ICA1: variants seen among roughly 807,000 people sequenced by gnomAD.
The protein encoded by ICA1 is islet cell autoantigen 1, also known as 69 kDa islet cell autoantigen.
In ICA1, 40 loss-of-function variants were observed where a neutral mutation model predicts 71.0. The observed-to-expected ratio is 0.56, with a 90% CI of 0.44 to 0.73. The LOEUF (loss-of-function observed/expected upper bound fraction) is 0.73, where lower values mean the gene tolerates loss of function less well. ICA1 is among the 30% of genes least tolerant of loss of function. ICA1 has a pLI of 0.00. For missense variants in ICA1, 578 were observed against 576.5 expected, an observed-to-expected ratio of 1.00 and a Z score of -0.03; for synonymous variants, 207 against 209.5, an observed-to-expected ratio of 0.99 and a Z score of 0.10.
At chr7:8,254,144 A>G (rs2128540668) in intron 1 of ICA1, among the ~76,000 whole-genome samples, 1 of 152,302 alleles carries the variant, frequency 6.6e-6, no homozygotes, top group East Asian at 1.9e-4. Flanking sequence ...AAATTTGGGG[A>G]AATTTCCCAA....
chr7:8,139,767 G>A (rs1794598133), intron 10 of ICA1, among the ~76,000 whole-genome samples: 1 of 152,156 alleles, frequency 6.6e-6, no homozygotes. Flanking sequence ...TATATGCTGG[G>A]GAAAGGAATC....
chr7:8,242,381 C>T (rs1284474146), intron 1 of ICA1, among the ~76,000 whole-genome samples: 1 of 152,158 alleles, frequency 6.6e-6, no homozygotes, highest in African/African-American at 2.4e-5. Flanking sequence ...AACAAAGACA[C>T]AATGTACCAG....
intron 1 of ICA1, among the ~76,000 whole-genome samples, chr7:8,249,175 G>A (rs1010371208): frequency 4.6e-5 from 7 of 152,264 alleles, no homozygotes; most frequent in Non-Finnish European, 7.3e-5. Context: ...AACTGCCAGG[G>A]TTTGAGGGGC....
chr7:8,120,233 G>A (rs142474254), intron 13 of ICA1, among the ~76,000 whole-genome samples: 6 of 152,236 alleles, frequency 3.9e-5, no homozygotes, highest in African/African-American at 4.8e-5. Flanking sequence ...TCTTTTCTCC[G>A]AACAATTATT....
At chr7:8,211,038 G>C (rs2128379314) in intron 6 of ICA1, among the ~76,000 whole-genome samples, 2 of 152,292 alleles carry the variant, frequency 1.3e-5, no homozygotes, top group East Asian at 3.9e-4. Flanking sequence ...AGAAGAGGAA[G>C]TCAGGAGTGG....
At chr7:8,196,728 T>C (rs983458523) in intron 6 of ICA1, among the ~76,000 whole-genome samples, 1 of 152,188 alleles carries the variant, frequency 6.6e-6, no homozygotes, top group Non-Finnish European at 1.5e-5. Flanking sequence ...ATATAATATA[T>C]AATATATTGA....
At chr7:8,198,043 A>C (rs1448204796) in intron 6 of ICA1, among the ~76,000 whole-genome samples, 1 of 152,242 alleles carries the variant, frequency 6.6e-6, no homozygotes, top group Non-Finnish European at 1.5e-5. Flanking sequence ...AAAATTTCTA[A>C]AAGTTGTGTA....
In ICA1 at chr7:8,245,173, A is replaced by G. The variant is rs146738857; in HGVS notation, c.-79-9168T>C. Among the ~76,000 whole-genome samples, 860 of 152,300 alleles carry G rather than the reference A, an allele frequency of 5.6e-3. 9 individuals carry two copies. Among genetic ancestry groups the G allele is most frequent in the Non-Finnish European group, 6.8e-3 (462 of 68,014 alleles). On this transcript the variant is annotated intron_variant, in intron 1 of 13. Transcript: ENST00000402384. ...TTGGAACCAATACAAATGTCCATCA[A>G]TGGTAGAGCGGATTAAGAAAATGCG...
At chr7:8,247,025 C>T (rs1016776767) in intron 1 of ICA1, among the ~76,000 whole-genome samples, 2 of 152,118 alleles carry the variant, frequency 1.3e-5, no homozygotes, top group African/African-American at 4.8e-5. Flanking sequence ...GGATTACAGG[C>T]GTGAACCACC....
intron 12 of ICA1, among the ~76,000 whole-genome samples, chr7:8,136,333 A>C (rs1793406837): frequency 6.6e-6 from 1 of 152,190 alleles, no homozygotes; most frequent in Non-Finnish European, 1.5e-5. Flanking sequence ...AAAGTCAGCC[A>C]TCCCTGGATT....
chr7:8,179,109 G>C (rs951752870), intron 6 of ICA1, among the ~76,000 whole-genome samples: 10 of 152,152 alleles, frequency 6.6e-5, no homozygotes, highest in African/African-American at 2.4e-4. Flanking sequence ...CCACATCCAG[G>C]CAACACTGAA....
rs1400397451 is a variant in ICA1, at chr7:8,130,618, G to T, written c.1061-2476C>A. Among the ~76,000 whole-genome samples, 3 of 152,070 alleles carry T rather than the reference G, an allele frequency of 2.0e-5. No individual in the cohort carries two copies. Among genetic ancestry groups the T allele is most frequent in the Non-Finnish European group, 4.4e-5 (3 of 68,008 alleles). ...TCAATGTGTAGACCCTGGAGGAGCA[G>T]ATAATTTCAAATGCACCTTGGAAAT... On this transcript the variant is annotated intron_variant, in intron 12 of 13. Coordinates refer to ENST00000402384, the MANE Select transcript of ICA1 (RefSeq NM_001136020.3). This position sits in a 1 kb window ranked among gnomAD's most constrained non-coding sequence, Gnocchi z 4.2.
At chr7:8,219,480 A>G (rs951623244) in intron 5 of ICA1, among the ~76,000 whole-genome samples, 2 of 152,262 alleles carry the variant, frequency 1.3e-5, no homozygotes, top group African/African-American at 4.8e-5. Context: ...CGGTAAGATT[A>G]CAAATGGTGC....
chr7:8,118,868 T>G lies in ICA1; in HGVS notation c.1331-4824A>C, dbSNP rs867298355. 3.3e-5 allele frequency among the ~76,000 whole-genome samples: 5 copies of G among 152,328 alleles called. No individual in the cohort carries two copies. The South Asian group carries it at 1.0e-3, about 32-fold the overall frequency. ...ACAATGTGGGCCCTCAACAGAGGCA[T>G]GGGCATCACCTATGTGCTGGTTAGA... On this transcript the variant is annotated intron_variant, in intron 13 of 13. Transcript: ENST00000402384.
At chr7:8,150,755 A>G (rs543100246) in intron 8 of ICA1, among the ~76,000 whole-genome samples, 1 of 152,356 alleles carries the variant, frequency 6.6e-6, no homozygotes, top group East Asian at 1.9e-4. Flanking sequence ...TTTGCCTATA[A>G]GCAAACACTT....
chr7:8,211,368 T>C (rs1793734528), intron 6 of ICA1, among the ~76,000 whole-genome samples: 1 of 152,206 alleles, frequency 6.6e-6, no homozygotes, highest in African/African-American at 2.4e-5. Context: ...GGCACCTTCC[T>C]CAGCTCCAAC....
At chr7:8,151,097 A>G (rs530382928) in intron 8 of ICA1, among the ~76,000 whole-genome samples, 88 of 152,252 alleles carry the variant, frequency 5.8e-4, no homozygotes, top group Non-Finnish European at 1.0e-3. Flanking sequence ...AGTACTATTA[A>G]TTACAATCCC....
chr7:8,204,108 C>T (rs1392792338), intron 6 of ICA1, among the ~76,000 whole-genome samples: 1 of 151,906 alleles, frequency 6.6e-6, no homozygotes, highest in Non-Finnish European at 1.5e-5. Context: ...GTGCTTGGAA[C>T]ATGAAACACT....
intron 1 of ICA1, among the ~76,000 whole-genome samples, chr7:8,242,207 C>A (rs1048448983): frequency 2.0e-5 from 3 of 152,162 alleles, no homozygotes; most frequent in Admixed American, 1.3e-4. Context: ...CAAGTCACAA[C>A]AAACTGTCTC....
Sources: gnomAD v4.1 joint callset for allele counts (sites outside exome capture counted in the v4.1 genomes callset) on GRCh38, gnomAD v4.1.1 for gene constraint, Gnocchi (gnomAD v3.1) non-coding constraint, MANE v1.5 for transcripts, NCBI Gene and HGNC (gene_info 2026-07-23, HGNC 2026-07-21) for gene names.